The following MCTP1 variants were observed in gnomAD, a reference collection of about 807,000 sequenced individuals.
MCTP1 encodes the protein multiple C2 and transmembrane domain-containing protein 1.
MCTP1 carries 69 observed loss-of-function variants against 120.6 expected under a neutral mutation model. The ratio of observed to expected loss-of-function variants is 0.57; its 90% CI spans 0.47 to 0.70. The LOEUF (loss-of-function observed/expected upper bound fraction) is 0.70, where lower values mean the gene tolerates loss of function less well. Among genes scored for constraint, MCTP1 ranks in the 30% least tolerant of loss-of-function variants. MCTP1 has a pLI of 0.00. For synonymous variants in MCTP1, 529 were observed against 493.1 expected (o/e 1.07, Z -0.96); for missense variants, 1,203 against 1,248.8 (o/e 0.96, Z 0.55).
chr5:94,735,699 G>A (rs7725095), intron 19 of MCTP1, among the ~76,000 whole-genome samples: 114,284 of 152,094 alleles, frequency 0.75, 43,282 homozygotes, highest in East Asian at 0.97. Flanking sequence ...TCCAGTAATA[G>A]GAAGGTCATG....
rs1754121253 is a variant in MCTP1, at chr5:94,704,607, TATCAATTAAA to T, written c.*2879_*2888del. ...TTTATAAAAGATAATTTTAGAAATG[TATCAATTAAA>T]TTTGGCTCTCACTGTACTTCAACTC... On this transcript the variant is annotated 3_prime_UTR_variant, in exon 23 of 23. Transcript: ENST00000515393. 6.7e-6 allele frequency: 1 copy of T among 148,664 alleles called. No homozygotes were observed. The allele number at this position is 148,664 out of a possible 1,614,324, so 9.2% of individuals were successfully genotyped here.
chr5:95,028,394 G>T (rs1257738045), intron 1 of MCTP1, among the ~76,000 whole-genome samples: 1 of 152,046 alleles, frequency 6.6e-6, no homozygotes, highest in Non-Finnish European at 1.5e-5. Context: ...TGGGGTTTTG[G>T]TTTCCTGGTG....
chr5:95,253,357 T>C (rs1757566106), intron 1 of MCTP1, among the ~76,000 whole-genome samples: 1 of 152,106 alleles, frequency 6.6e-6, no homozygotes, highest in South Asian at 2.1e-4. Context: ...ATCTACCTGG[T>C]ATAATTTGAT....
intron 1 of MCTP1, among the ~76,000 whole-genome samples, chr5:95,194,585 T>G (rs141764727): frequency 6.6e-6 from 1 of 152,336 alleles, no homozygotes; most frequent in African/African-American, 2.4e-5. Flanking sequence ...CCCTATTTGA[T>G]GCAAGTATTC....
At chr5:94,962,354 A>C (rs534211262) in intron 2 of MCTP1, among the ~76,000 whole-genome samples, 1 of 152,082 alleles carries the variant, frequency 6.6e-6, no homozygotes, top group Admixed American at 6.6e-5. Context: ...TGCATGTTTA[A>C]GGCACCACAA....
chr5:94,709,803 G>A (rs966693544), intron 21 of MCTP1: 3 of 152,086 alleles, frequency 2.0e-5, no homozygotes, highest in African/African-American at 7.2e-5. Context: ...TAATTATAGT[G>A]ATAATAAGGG....
chr5:94,963,160 G>A (rs1252864567), intron 2 of MCTP1, among the ~76,000 whole-genome samples: 1 of 152,016 alleles, frequency 6.6e-6, no homozygotes, highest in Non-Finnish European at 1.5e-5. Context: ...TATGAATTTT[G>A]ATGGGGAGGA....
At chr5:94,974,831 A>T (rs1472846741) in intron 2 of MCTP1, among the ~76,000 whole-genome samples, 2 of 152,174 alleles carry the variant, frequency 1.3e-5, no homozygotes, top group Non-Finnish European at 1.5e-5. Flanking sequence ...TAGATTAATT[A>T]CTATCATTAA....
chr5:95,046,985 A>G (rs918047750), intron 1 of MCTP1, among the ~76,000 whole-genome samples: 1 of 152,174 alleles, frequency 6.6e-6, no homozygotes, highest in African/African-American at 2.4e-5. Flanking sequence ...AAGCTCTTTG[A>G]AAGCAATGAT....
At chr5:95,172,993 T>G (rs1747526187) in intron 1 of MCTP1, among the ~76,000 whole-genome samples, 1 of 151,914 alleles carries the variant, frequency 6.6e-6, no homozygotes, top group African/African-American at 2.4e-5. Context: ...AATTTCAGCC[T>G]TTTTTTTAGG....
chr5:94,953,171 G>C (rs1821058851), intron 3 of MCTP1, 48 bp downstream of exon 3: 1 of 1,525,468 alleles, frequency 6.6e-7, no homozygotes, highest in Non-Finnish European at 8.8e-7. Context: ...CAGTAAACAG[G>C]GATTTCCACA....
chr5:94,837,859 T>G (rs1790174402), intron 17 of MCTP1, among the ~76,000 whole-genome samples: 1 of 152,154 alleles, frequency 6.6e-6, no homozygotes, highest in Admixed American at 6.6e-5. Context: ...AAGTATTAAT[T>G]TATATATTTA....
intron 17 of MCTP1, among the ~76,000 whole-genome samples, chr5:94,800,693 T>C (rs1781052299): frequency 6.6e-6 from 1 of 151,832 alleles, no homozygotes; most frequent in Admixed American, 6.6e-5. Flanking sequence ...GTACCATCCG[T>C]TTTTTCAATG....
At chr5:94,796,650 T>TATATATGTA (rs1453725780) in intron 18 of MCTP1, among the ~76,000 whole-genome samples, 12 of 16,432 alleles carry the variant, frequency 7.3e-4, no homozygotes, top group Non-Finnish European at 1.8e-3. Flanking sequence ...TAATATATAT[T>TATATATGTA]ATATATATTA....
intron 19 of MCTP1, among the ~76,000 whole-genome samples, chr5:94,763,310 A>T (rs1771774394): frequency 6.6e-6 from 1 of 151,990 alleles, no homozygotes; most frequent in Admixed American, 6.6e-5. Context: ...TATAATTCAG[A>T]CTCCTTAGAT....
chr5:95,038,282 A>G, intron 1 of MCTP1: 1 of 245,628 alleles, frequency 4.1e-6, no homozygotes, highest in Non-Finnish European at 6.5e-6. Context: ...ATTTTTGTAA[A>G]TTCTGGTTGG....
chr5:94,835,900 A>T (rs1378704783), intron 17 of MCTP1, among the ~76,000 whole-genome samples: 2 of 152,188 alleles, frequency 1.3e-5, no homozygotes, highest in Admixed American at 1.3e-4. Flanking sequence ...GCTACTCGGG[A>T]GGCTGAGGCA....
intron 19 of MCTP1, among the ~76,000 whole-genome samples, chr5:94,741,340 G>A (rs756092928): frequency 9.9e-5 from 15 of 152,254 alleles, no homozygotes; most frequent in Middle Eastern, 3.4e-3. Flanking sequence ...TGGAACACTC[G>A]TTTATTCATT....
chr5:94,767,476 C>T (rs1371030800), intron 19 of MCTP1, among the ~76,000 whole-genome samples: 1 of 152,074 alleles, frequency 6.6e-6, no homozygotes, highest in Non-Finnish European at 1.5e-5. Flanking sequence ...CAAATTATCC[C>T]TCTTTGCAGA....
Sources: allele counts gnomAD v4.1 joint callset (sites outside exome capture counted in the v4.1 genomes callset), GRCh38; gene constraint gnomAD v4.1.1; transcripts MANE v1.5; gene names NCBI Gene and HGNC (gene_info 2026-07-23, HGNC 2026-07-21).